The following DGLUCY variants were observed in gnomAD, a reference collection of about 807,000 sequenced individuals.
DGLUCY encodes D-glutamate cyclase.
DGLUCY carries 58 observed loss-of-function variants against 58.5 expected under a neutral mutation model. The ratio of observed to expected loss-of-function variants is 0.99; its 90% CI spans 0.80 to 1.23. The LOEUF (loss-of-function observed/expected upper bound fraction) is 1.23. Ranked by LOEUF, DGLUCY falls within the 50% of genes most tolerant of loss-of-function variation. The pLI, the probability that DGLUCY is intolerant of heterozygous loss-of-function variation, is 0.00. For missense variants in DGLUCY, 779 were observed against 784.7 expected (o/e 0.99, Z 0.09); for synonymous variants, 325 against 314.1 (o/e 1.03, Z -0.37).
At chr14:91,072,664 A>C (rs1468394486) in intron 1 of DGLUCY, among the ~76,000 whole-genome samples, 1 of 145,820 alleles carries the variant, frequency 6.9e-6, no homozygotes, top group African/African-American at 2.5e-5. Context: ...AAAAAAAAAA[A>C]CAAAAAACAA....
In DGLUCY at chr14:91,199,830, A is replaced by G. The variant is rs2050442817; in HGVS notation, c.1369A>G (p.Asn457Asp). 2 of 1,614,056 alleles carry G rather than the reference A, an allele frequency of 1.2e-6. No individual in the cohort carries two copies. Among genetic ancestry groups the G allele is most frequent in the African/African-American group, 2.7e-5 (2 of 74,924 alleles). Residue 457 changes from asparagine to aspartate, a missense_variant, in exon 11 of 14, where the codon AAC becomes GAC. Coordinates refer to ENST00000256324, the MANE Select transcript of DGLUCY (RefSeq NM_001102368.3). The part of the protein sequence containing the change: ...DGNYYNARKM[N>D]IKHLVDPIDD... ...CAATTACTACAATGCAAGGAAGATG[A>G]ACATCAAGCACTTGGTTGACCCCAT...
rs573791947 is a variant in DGLUCY, at chr14:91,060,616, C to T, written c.-170C>T. The T allele has an allele frequency of 2.5e-5, 21 of 833,970 alleles. No individual in the cohort carries two copies. In the East Asian group the frequency reaches 2.7e-4, roughly 11 times the overall value. The allele number at this position is 833,970 out of a possible 1,614,324, so 51.7% of individuals were successfully genotyped here. A position where few individuals can be genotyped will look rare whatever the true frequency, so the allele number is the denominator to read the frequency against. On this transcript the variant is annotated 5_prime_UTR_variant, in exon 1 of 5. Coordinates refer to the DGLUCY transcript ENST00000521334. Reference sequence around the variant, plus strand: ...CACGGCTCGCTCCTCGCCTCCTCCCCCTTCGGCGGGCACCGCTAGTACCGC... The same window carrying T: ...CACGGCTCGCTCCTCGCCTCCTCCCTCTTCGGCGGGCACCGCTAGTACCGC...
At chr14:91,065,865 A>C (rs2043810829) in intron 1 of DGLUCY, among the ~76,000 whole-genome samples, 1 of 152,150 alleles carries the variant, frequency 6.6e-6, no homozygotes, top group Non-Finnish European at 1.5e-5. Flanking sequence ...AAAGTTGTTG[A>C]ACTGGGGTGA....
chr14:91,154,136 C>T (rs1018154072), intron 1 of DGLUCY, among the ~76,000 whole-genome samples: 3 of 152,180 alleles, frequency 2.0e-5, no homozygotes, highest in Admixed American at 6.5e-5. Context: ...GAGCTCCTGA[C>T]CTCAGGTGAT....
intron 12 of DGLUCY, among the ~76,000 whole-genome samples, chr14:91,207,787 C>G (rs1169681456): frequency 6.6e-6 from 1 of 150,768 alleles, no homozygotes; most frequent in African/African-American, 2.4e-5. Context: ...ACTCTTGTTG[C>G]CGAGGCTGGA....
intron 1 of DGLUCY, among the ~76,000 whole-genome samples, chr14:91,068,113 A>ACC (rs2043857885): frequency 6.9e-6 from 1 of 145,304 alleles, no homozygotes; most frequent in African/African-American, 2.8e-5. Flanking sequence ...ACACACACAC[A>ACC]CACCCCTTGC....
chr14:91,220,657 C>T (rs1158757684), intron 13 of DGLUCY: 9 of 456,112 alleles, frequency 2.0e-5, no homozygotes, highest in African/African-American at 4.0e-5. Context: ...CTGCCACACT[C>T]CCCAGCCCGG....
intron 10 of DGLUCY, among the ~76,000 whole-genome samples, chr14:91,197,560 A>C (rs1595895331): frequency 6.6e-6 from 1 of 152,120 alleles, no homozygotes; most frequent in African/African-American, 2.4e-5. Context: ...CTCCTCCTCA[A>C]CCCAGCCTCT....
chr14:91,224,588 C>A, intron 13 of DGLUCY, 96 bp from the exon 14 acceptor site: 1 of 1,324,246 alleles, frequency 7.6e-7, no homozygotes, highest in Non-Finnish European at 1.0e-6. Context: ...GCAAGTATGT[C>A]AAGGCAAAGG....
intron 1 of DGLUCY, among the ~76,000 whole-genome samples, chr14:91,137,009 T>C (rs2046379413): frequency 6.6e-6 from 1 of 151,900 alleles, no homozygotes. Flanking sequence ...CAGGGAAAAC[T>C]CTATTTTTAT....
At chr14:91,096,482 C>T (rs1276331697) in intron 1 of DGLUCY, among the ~76,000 whole-genome samples, 1 of 152,018 alleles carries the variant, frequency 6.6e-6, no homozygotes, top group African/African-American at 2.4e-5. Flanking sequence ...TTGGGGAGTG[C>T]GACCCTCTCA....
chr14:91,083,007 G>A (rs7156091), intron 1 of DGLUCY, among the ~76,000 whole-genome samples: 2 of 151,904 alleles, frequency 1.3e-5, no homozygotes, highest in African/African-American at 4.8e-5. Context: ...ATCCTCCTGC[G>A]TTGGCCTCCA....
At chr14:91,160,240 T>G in intron 2 of DGLUCY, 26 bp from the exon 3 acceptor site, 1 of 1,415,048 alleles carries the variant, frequency 7.1e-7, no homozygotes, top group Non-Finnish European at 1.0e-6. Context: ...ACTTTCTAAT[T>G]TGTTCCCTTT....
intron 1 of DGLUCY, among the ~76,000 whole-genome samples, chr14:91,073,143 C>G (rs2043951678): frequency 6.6e-6 from 1 of 152,008 alleles, no homozygotes; most frequent in Admixed American, 6.6e-5. Flanking sequence ...AAGGATTTTG[C>G]AGATGTCATA....
chr14:91,218,298 TCA>T (rs980448461), intron 13 of DGLUCY, among the ~76,000 whole-genome samples: 3 of 152,084 alleles, frequency 2.0e-5, no homozygotes, highest in African/African-American at 7.2e-5. Context: ...GCCAAACAAA[TCA>T]CACAGCCCAA....
intron 4 of DGLUCY, among the ~76,000 whole-genome samples, chr14:91,168,395 TC>T (rs1293608609): frequency 6.6e-6 from 1 of 152,074 alleles, no homozygotes; most frequent in Non-Finnish European, 1.5e-5. Flanking sequence ...ACTCCAGTCA[TC>T]CCCAGCCAGT....
intron 7 of DGLUCY, among the ~76,000 whole-genome samples, chr14:91,179,295 G>A (rs1028683533): frequency 2.0e-5 from 3 of 152,150 alleles, no homozygotes; most frequent in African/African-American, 4.8e-5. Context: ...AAGATACTAC[G>A]TGGTTCAGGC....
chr14:91,174,689 T>A (rs560833691), intron 6 of DGLUCY, among the ~76,000 whole-genome samples: 1 of 152,246 alleles, frequency 6.6e-6, no homozygotes, highest in African/African-American at 2.4e-5. Context: ...TTAATCAAAC[T>A]CAAAGAGTTT....
chr14:91,216,703 A>G (rs1886574387), intron 13 of DGLUCY, among the ~76,000 whole-genome samples: 1 of 151,128 alleles, frequency 6.6e-6, no homozygotes, highest in Non-Finnish European at 1.5e-5. Flanking sequence ...GGACCCAAGG[A>G]CACTGTGACT....
Sources: allele counts gnomAD v4.1 joint callset (sites outside exome capture counted in the v4.1 genomes callset), GRCh38; gene constraint gnomAD v4.1.1; transcripts MANE v1.5; gene names NCBI Gene and HGNC (gene_info 2026-07-23, HGNC 2026-07-21).